DST: variants seen among roughly 807,000 people sequenced by gnomAD.
DST encodes the protein dystonin.
In DST, 253 loss-of-function variants were observed where a neutral mutation model predicts 875.2. That is an observed-to-expected ratio of 0.29 (90% CI 0.26 to 0.32). The LOEUF is 0.32. DST is among the 10% of genes least tolerant of loss of function. The pLI is 1.00. For missense variants in DST, 8,287 were observed against 9,111.6 expected (o/e 0.91, Z 3.68); for synonymous variants, 3,124 against 3,197.1 (o/e 0.98, Z 0.77).
At chr6:56,546,355 T>C (rs1423924209) in intron 61 of DST, among the ~76,000 whole-genome samples, 3 of 51,602 alleles carry the variant, frequency 5.8e-5, no homozygotes, top group Admixed American at 4.1e-4. Flanking sequence ...TTCATATATA[T>C]ATATATATAT....
At chr6:56,516,050 T>TTA (rs1162660512) in intron 71 of DST, among the ~76,000 whole-genome samples, 6 of 151,748 alleles carry the variant, frequency 4.0e-5, no homozygotes, top group South Asian at 4.2e-4. Flanking sequence ...CAAAATTTAA[T>TTA]TATATATATA....
chr6:56,614,893 T>C (rs947891729), intron 36 of DST: 1 of 992,344 alleles, frequency 1.0e-6, no homozygotes, highest in Non-Finnish European at 1.2e-6. Flanking sequence ...GTAAGGAAAA[T>C]ACACAGAATG....
rs1386375484 is a variant in DST, at chr6:56,528,819, T to A, written c.17680+22A>T. The A allele has an allele frequency of 7.0e-6, 10 of 1,435,102 alleles. 1 individual carries two copies. The African/African-American group carries it at 1.4e-4, about 20-fold the overall frequency. 88.9% of individuals were successfully genotyped at this position (1,435,102 alleles called of 1,614,324 possible). A position where few individuals can be genotyped will look rare whatever the true frequency, so the allele number is the denominator to read the frequency against. On this transcript the variant is annotated intron_variant, in intron 67 of 103. Coordinates refer to ENST00000680361, the MANE Select transcript of DST (RefSeq NM_001374736.1). The stretch of plus-strand genomic sequence containing the variant: ...ATATAAAATGCTGACCACATGATGA[T>A]TTGATTTGAAAGATATCTCACCTGT...
chr6:56,537,376 A>C (rs1242265134), intron 61 of DST, among the ~76,000 whole-genome samples: 3 of 152,226 alleles, frequency 2.0e-5, no homozygotes, highest in Non-Finnish European at 4.4e-5. Context: ...TCTCCTAAGA[A>C]TGGCTGCTGC....
At chr6:56,533,691 G>C (rs1442993600) in intron 63 of DST, among the ~76,000 whole-genome samples, 1 of 152,122 alleles carries the variant, frequency 6.6e-6, no homozygotes, top group African/African-American at 2.4e-5. Flanking sequence ...ATGACTCTGG[G>C]AGTTAACTTT....
intron 4 of DST, among the ~76,000 whole-genome samples, chr6:56,821,599 G>T (rs1388160678): frequency 6.6e-6 from 1 of 152,176 alleles, no homozygotes; most frequent in Non-Finnish European, 1.5e-5. Context: ...GAAATAAAAT[G>T]CAGGAGCTAA....
intron 3 of DST, among the ~76,000 whole-genome samples, chr6:56,893,155 T>G (rs896952983): frequency 2.0e-5 from 3 of 152,216 alleles, no homozygotes; most frequent in Admixed American, 1.3e-4. Context: ...CTCGCCCTCC[T>G]CATACTCTTC....
intron 46 of DST, 33 bp downstream of exon 46, chr6:56,598,443 T>C (rs1441614892): frequency 6.0e-6 from 8 of 1,323,984 alleles, no homozygotes; most frequent in African/African-American, 4.4e-5. Flanking sequence ...CTTTTTGACA[T>C]AGCAATAGTG....
intron 4 of DST, among the ~76,000 whole-genome samples, chr6:56,825,701 A>T (rs949269868): frequency 1.3e-5 from 2 of 152,190 alleles, no homozygotes; most frequent in Non-Finnish European, 2.9e-5. Flanking sequence ...TTCGCAGAAA[A>T]AGAAGTTGTA....
At chr6:56,954,274 C>G in intron 1 of DST, 133 bp downstream of exon 1, 2 of 554,724 alleles carry the variant, frequency 3.6e-6, no homozygotes, top group Non-Finnish European at 5.7e-6. Context: ...GTTAAAGAAA[C>G]GCACTCAGCC....
intron 4 of DST, among the ~76,000 whole-genome samples, chr6:56,788,961 G>A (rs968833096): frequency 1.3e-5 from 2 of 152,146 alleles, no homozygotes; most frequent in Admixed American, 6.5e-5. Flanking sequence ...CTGCAGAAAG[G>A]TTGTATGATT....
Position 56,553,234 on chromosome 6 carries a change from T to C in DST, c.15558A>G (p.Gln5186=), listed in dbSNP as rs987819033. ...AAAATTTTATTTCCTCCAGGTTGTT[T>C]TGGCATTTGTCTATCCATGGCCAGA... ...ETLWPWIDKC[Q]NNLEEIKFCL... The change falls in exon 61 of 104, where the codon CAA becomes CAG. Residue 5186 remains glutamine, a synonymous_variant. Coordinates refer to ENST00000680361, the MANE Select transcript of DST (RefSeq NM_001374736.1). The C allele has an allele frequency of 1.9e-6, 3 of 1,613,936 alleles. No individual in the cohort carries two copies. The highest frequency in any genetic ancestry group is 2.5e-6 in the Non-Finnish European group (3 of 1,179,894).
intron 49 of DST, among the ~76,000 whole-genome samples, chr6:56,580,749 G>A (rs925122313): frequency 2.8e-5 from 4 of 143,426 alleles, no homozygotes; most frequent in South Asian, 4.5e-4. Context: ...TTTTTGGTTG[G>A]GGGGGCAGCG....
chr6:56,900,143 T>G (rs1014398091), intron 3 of DST, among the ~76,000 whole-genome samples: 1 of 152,238 alleles, frequency 6.6e-6, no homozygotes, highest in African/African-American at 2.4e-5. Context: ...ATCCTCATTC[T>G]AGAACTCCAG....
intron 4 of DST, among the ~76,000 whole-genome samples, chr6:56,804,646 T>C (rs1206905457): frequency 6.6e-6 from 1 of 152,144 alleles, no homozygotes; most frequent in Non-Finnish European, 1.5e-5. Context: ...TTCCATTAAA[T>C]ACATATGCAC....
In DST at chr6:56,607,515, A is replaced by G; in HGVS notation, c.7113T>C (p.Asn2371=). 1.2e-6 allele frequency: 2 copies of G among 1,600,712 alleles called. No individual in the cohort carries two copies. The highest frequency in any genetic ancestry group is 4.5e-5 in the East Asian group (2 of 44,484). Residue 2371 remains asparagine, a synonymous_variant, in exon 40 of 104, where the codon AAT becomes AAC. Coordinates refer to ENST00000680361, the MANE Select transcript of DST (RefSeq NM_001374736.1). ...GTTCATTTGTTTCCACTCGGCTTTGATTTTCATAGTTTGTAAGTATGTTTT... is the reference window on the plus strand; with the variant it reads ...GTTCATTTGTTTCCACTCGGCTTTGGTTTTCATAGTTTGTAAGTATGTTTT... ...DSENILTNYE[N]QSRVETNERA... is the part of the protein sequence containing the mutation.
intron 68 of DST, 113 bp from the exon 69 acceptor site, chr6:56,526,680 T>TC (rs111842152): frequency 3.3e-5 from 28 of 845,856 alleles, no homozygotes; most frequent in Middle Eastern, 3.7e-4. Flanking sequence ...TTTGCCCCAC[T>TC]CCCCCCCTCC....
intron 69 of DST, among the ~76,000 whole-genome samples, chr6:56,521,286 A>G (rs1203526282): frequency 2.0e-5 from 3 of 151,962 alleles, no homozygotes; most frequent in Admixed American, 2.0e-4. Context: ...CCTGAGTGTA[A>G]ATACTGCAAG....
intron 24 of DST, 96 bp from the exon 25 acceptor site, chr6:56,635,049 T>C: frequency 2.1e-6 from 2 of 937,930 alleles, no homozygotes; most frequent in Non-Finnish European, 3.3e-6. Context: ...AGAAAAGTCT[T>C]CTCTCTGACT....
Sources: gnomAD v4.1 joint callset for allele counts (sites outside exome capture counted in the v4.1 genomes callset) on GRCh38, gnomAD v4.1.1 for gene constraint, MANE v1.5 for transcripts, NCBI Gene and HGNC (gene_info 2026-07-23, HGNC 2026-07-21) for gene names.